Variants in SLC6A15 observed in about 807,000 individuals in gnomAD.
SLC6A15 encodes solute carrier family 6 member 15, also known as sodium-dependent neutral amino acid transporter B(0)AT2.
In SLC6A15, 33 loss-of-function variants were observed where a neutral mutation model predicts 68.5. That is an observed-to-expected ratio of 0.48 (90% CI 0.37 to 0.64). SLC6A15 has a LOEUF of 0.64. SLC6A15 is among the 30% of genes least tolerant of loss of function. The pLI is 0.00. For missense variants in SLC6A15, 747 were observed against 874.3 expected (o/e 0.85, Z 1.84); for synonymous variants, 347 against 301.0 (o/e 1.15, Z -1.58).
chr12:84,910,973 C>A (rs1873417433), intron 1 of SLC6A15, among the ~76,000 whole-genome samples: 1 of 148,924 alleles, frequency 6.7e-6, no homozygotes, highest in African/African-American at 2.6e-5. Flanking sequence ...CTCGCCTTCC[C>A]TTCAAAACCT....
At chr12:84,900,669 T>A (rs1386184837) in intron 1 of SLC6A15, among the ~76,000 whole-genome samples, 1 of 151,728 alleles carries the variant, frequency 6.6e-6, no homozygotes, top group Non-Finnish European at 1.5e-5. Context: ...TGTGTTAAAT[T>A]TTGACAAATT....
At chr12:84,903,528 T>A (rs549516416) in intron 1 of SLC6A15, among the ~76,000 whole-genome samples, 22 of 152,220 alleles carry the variant, frequency 1.4e-4, no homozygotes, top group African/African-American at 4.6e-4. Flanking sequence ...TAAGTTACAG[T>A]CAACCAAAAT....
At chr12:84,862,513 G>A (rs1033104488) in intron 11 of SLC6A15, among the ~76,000 whole-genome samples, 4 of 152,106 alleles carry the variant, frequency 2.6e-5, no homozygotes, top group African/African-American at 7.2e-5. Context: ...GTGAGAGAAC[G>A]GATTTGTTTA....
At chr12:84,872,976 T>C in intron 7 of SLC6A15, 111 bp downstream of exon 7, 1 of 1,345,544 alleles carries the variant, frequency 7.4e-7, no homozygotes, top group South Asian at 1.5e-5. Context: ...TATGTTTGTG[T>C]CGAACTATCA....
At chr12:84,908,343 T>G (rs1873271020) in intron 1 of SLC6A15, among the ~76,000 whole-genome samples, 1 of 151,916 alleles carries the variant, frequency 6.6e-6, no homozygotes, top group South Asian at 2.1e-4. Context: ...CTAAATATGC[T>G]TCTCCAATAT....
chr12:84,884,406 A>C (rs1026732773), intron 4 of SLC6A15, among the ~76,000 whole-genome samples: 2 of 152,012 alleles, frequency 1.3e-5, no homozygotes, highest in South Asian at 2.1e-4. Flanking sequence ...CCCGGATTCA[A>C]GTGATTCTCC....
chr12:84,885,883 C>G, intron 3 of SLC6A15, 28 bp downstream of exon 3: 18 of 1,576,872 alleles, frequency 1.1e-5, no homozygotes, highest in Non-Finnish European at 1.5e-5. Context: ...ATAAAGATTA[C>G]AGCATACACC....
At chr12:84,904,330 C>A (rs1873036749) in intron 1 of SLC6A15, among the ~76,000 whole-genome samples, 1 of 151,776 alleles carries the variant, frequency 6.6e-6, no homozygotes, top group Admixed American at 6.6e-5. Flanking sequence ...CCTAGCTGAA[C>A]AGCCAGGTAA....
chr12:84,912,314 G>A (rs1167859437), intron 1 of SLC6A15, among the ~76,000 whole-genome samples: 3 of 152,136 alleles, frequency 2.0e-5, no homozygotes, highest in Non-Finnish European at 4.4e-5. Context: ...GTACAGAGAT[G>A]CAGAGTTAGA....
At chr12:84,883,496 C>A in intron 5 of SLC6A15, 5 of 1,243,674 alleles carry the variant, frequency 4.0e-6, no homozygotes, top group Non-Finnish European at 5.0e-6. Context: ...ATGAATTACT[C>A]ATTTTACCAC....
At chr12:84,896,996 T>C (rs756919359) in intron 1 of SLC6A15, among the ~76,000 whole-genome samples, 2 of 152,010 alleles carry the variant, frequency 1.3e-5, no homozygotes, top group Non-Finnish European at 2.9e-5. Flanking sequence ...TTCGAGGCCA[T>C]ACTGGCCAAT....
chr12:84,910,378 C>G (rs1240172228), intron 1 of SLC6A15, among the ~76,000 whole-genome samples: 11 of 151,814 alleles, frequency 7.2e-5, no homozygotes, highest in Admixed American at 7.2e-4. Flanking sequence ...ATATGTTTTA[C>G]CACAACAAAT....
chr12:84,862,466 C>T (rs1318043016), intron 11 of SLC6A15, among the ~76,000 whole-genome samples: 2 of 152,126 alleles, frequency 1.3e-5, no homozygotes, highest in African/African-American at 4.8e-5. Flanking sequence ...AATCTGGAAA[C>T]CAAACTTTTG....
intron 1 of SLC6A15, among the ~76,000 whole-genome samples, chr12:84,899,608 AT>A (rs986987003): frequency 6.6e-6 from 1 of 152,074 alleles, no homozygotes; most frequent in Non-Finnish European, 1.5e-5. Context: ...TTTGCCTCTT[AT>A]CCAGCATCAC....
At chr12:84,863,365 G>A in intron 11 of SLC6A15, 74 bp downstream of exon 11, 3 of 1,119,692 alleles carry the variant, frequency 2.7e-6, no homozygotes, top group Admixed American at 2.7e-5. Context: ...CTGTGATGGA[G>A]ACAAAAGAAA....
chr12:84,901,759 T>A (rs1334533898), intron 1 of SLC6A15, among the ~76,000 whole-genome samples: 1 of 151,886 alleles, frequency 6.6e-6, no homozygotes, highest in African/African-American at 2.4e-5. Flanking sequence ...ACAAGCTTAG[T>A]ATTCTATAAT....
rs1263416284 is a variant in SLC6A15, at chr12:84,873,292, C to T, written c.904G>A (p.Ala302Thr). 1.2e-6 allele frequency: 2 copies of T among 1,614,096 alleles called. No homozygotes were observed. The highest frequency in any genetic ancestry group is 1.3e-5 in the African/African-American group (1 of 75,050). Reference protein sequence around the residue: ...IMLEPKVWREAATQVFFALGL... With the variant: ...IMLEPKVWRETATQVFFALGL... Reference sequence around the variant, plus strand: ...AAGGCAAAGAACACTTGAGTAGCAGCTTCTCTCCAGACCTTGGGCTCCAGC... The same window carrying T: ...AAGGCAAAGAACACTTGAGTAGCAGTTTCTCTCCAGACCTTGGGCTCCAGC... Residue 302 changes from alanine (A) to threonine (T), a missense_variant, in exon 7 of 12, where the codon GCT (alanine) becomes ACT (threonine). Physicochemically the swap from Ala to Thr is moderately conservative, Grantham distance 58. Transcript: ENST00000266682.
intron 1 of SLC6A15, among the ~76,000 whole-genome samples, chr12:84,899,046 C>T (rs1006346720): frequency 1.3e-5 from 2 of 152,172 alleles, no homozygotes; most frequent in African/African-American, 2.4e-5. Context: ...GTCAGGCTGT[C>T]AGCTGGAGCA....
At chr12:84,872,898 C>A in intron 7 of SLC6A15, 104 bp from the exon 8 acceptor site, 1 of 1,200,522 alleles carries the variant, frequency 8.3e-7, no homozygotes, top group African/African-American at 1.5e-5. Context: ...ATGTTCCCAA[C>A]ACAAAGAAAT....
Sources: gnomAD v4.1 joint callset for allele counts (sites outside exome capture counted in the v4.1 genomes callset) on GRCh38, gnomAD v4.1.1 for gene constraint, MANE v1.5 for transcripts, NCBI Gene and HGNC (gene_info 2026-07-23, HGNC 2026-07-21) for gene names.